Variants in TMTC1 observed in about 807,000 individuals in gnomAD.
The protein encoded by TMTC1 is protein O-mannosyl-transferase TMTC1.
In TMTC1, 73 loss-of-function variants were observed where a neutral mutation model predicts 104.8. The observed-to-expected ratio is 0.70, with a 90% confidence interval of 0.58 to 0.85. The LOEUF is 0.85. TMTC1 is among the 40% of genes least tolerant of loss of function. The pLI is 0.00. For synonymous variants in TMTC1, 434 were observed against 428.7 expected, an observed-to-expected ratio of 1.01 and a Z score of -0.15; for missense variants, 1,035 against 1,096.1, an observed-to-expected ratio of 0.94 and a Z score of 0.79.
rs536872632 is a variant in TMTC1 at position 29,670,496 on chromosome 12, T to C, written c.939-37160A>G. Among the ~76,000 whole-genome samples the C allele has an allele frequency of 1.3e-3, 191 of 152,316 alleles. 2 individuals are homozygous for C. Among genetic ancestry groups the C allele is most frequent in the African/African-American group, 3.3e-3 (139 of 41,578 alleles). On this transcript the variant is annotated intron_variant, in intron 5 of 17. Transcript: ENST00000539277. The stretch of plus-strand genomic sequence containing the variant: ...ACAGGGGTGTCATAAATTCAGTCTG[T>C]GCCCTTAATCACAAAAGCTCTGCTA...
chr12:29,668,110 C>A (rs1940354443), intron 5 of TMTC1, among the ~76,000 whole-genome samples: 1 of 152,184 alleles, frequency 6.6e-6, no homozygotes, highest in East Asian at 1.9e-4. Context: ...TGCATGTTAA[C>A]AACACAATGA....
At chr12:29,693,045 T>C (rs1941310437) in intron 5 of TMTC1, among the ~76,000 whole-genome samples, 1 of 144,698 alleles carries the variant, frequency 6.9e-6, no homozygotes, top group African/African-American at 2.5e-5. Context: ...GGGGTGAGAA[T>C]ATTATAAGAG....
intron 8 of TMTC1, among the ~76,000 whole-genome samples, chr12:29,574,093 T>A (rs1945755903): frequency 6.6e-6 from 1 of 152,030 alleles, no homozygotes; most frequent in South Asian, 2.1e-4. Context: ...AACAGAAGGA[T>A]TCGGGAGACA....
rs184422654 is a variant in TMTC1 at position 29,585,515 on chromosome 12, C to T, written c.1251-1941G>A. ...GTGTTTTAGACATGAAGTCCTTGCC[C>T]GTGCCTATGTCCTGAATGGTATTGC... On this transcript the variant is annotated intron_variant, in intron 7 of 17. Coordinates refer to ENST00000539277, the MANE Select transcript of TMTC1 (RefSeq NM_001193451.2). Among the ~76,000 whole-genome samples the T allele has an allele frequency of 7.4e-3, 1,129 of 152,216 alleles. 19 individuals carry two copies. The highest frequency in any genetic ancestry group is 0.025 in the African/African-American group (1,027 of 41,522).
intron 1 of TMTC1, among the ~76,000 whole-genome samples, chr12:29,780,618 T>C (rs1389991711): frequency 6.6e-6 from 1 of 152,026 alleles, no homozygotes; most frequent in African/African-American, 2.4e-5. Flanking sequence ...TCTACACATA[T>C]GATAAAGCTG....
chr12:29,571,995 A>T, intron 9 of TMTC1, 110 bp downstream of exon 9: 2 of 809,690 alleles, frequency 2.5e-6, no homozygotes, highest in Non-Finnish European at 4.1e-6. Context: ...GGATCAGTTT[A>T]CTGTCAAGAG....
intron 5 of TMTC1, among the ~76,000 whole-genome samples, chr12:29,691,167 A>G (rs1382493331): frequency 1.3e-5 from 2 of 152,184 alleles, no homozygotes; most frequent in African/African-American, 2.4e-5. Flanking sequence ...ACCTCCCCAA[A>G]TTGCTCCTGG....
At chr12:29,544,635 G>GA (rs1592206887) in intron 10 of TMTC1, among the ~76,000 whole-genome samples, 1 of 152,204 alleles carries the variant, frequency 6.6e-6, no homozygotes, top group East Asian at 1.9e-4. Flanking sequence ...TCTGCGCATG[G>GA]GGGCGGGCTG....
At chr12:29,570,927 C>T (rs934524383) in intron 9 of TMTC1, among the ~76,000 whole-genome samples, 1 of 143,198 alleles carries the variant, frequency 7.0e-6, no homozygotes, top group African/African-American at 2.6e-5. Flanking sequence ...AAACCAACTT[C>T]TGCCATATTT....
At chr12:29,649,579 T>G (rs1565739346) in intron 5 of TMTC1, among the ~76,000 whole-genome samples, 1 of 152,222 alleles carries the variant, frequency 6.6e-6, no homozygotes, top group African/African-American at 2.4e-5. Flanking sequence ...AGAATCACAC[T>G]GTGTTGTATT....
At chr12:29,664,200 T>TAAAAAATA (rs1185197175) in intron 5 of TMTC1, among the ~76,000 whole-genome samples, 1 of 135,528 alleles carries the variant, frequency 7.4e-6, no homozygotes, top group Non-Finnish European at 1.6e-5. Context: ...AAAATAAAAA[T>TAAAAAATA]AAAAAATAAA....
intron 5 of TMTC1, among the ~76,000 whole-genome samples, chr12:29,695,789 C>CTT (rs201092670): frequency 3.5e-4 from 34 of 97,008 alleles, no homozygotes; most frequent in East Asian, 6.0e-4. Context: ...AAACTACTTC[C>CTT]TTTTTATATA....
intron 5 of TMTC1, among the ~76,000 whole-genome samples, chr12:29,645,470 T>C (rs60793064): frequency 0.041 from 6,296 of 152,306 alleles, 172 homozygotes; most frequent in Admixed American, 0.066. Context: ...TGAAATGTCA[T>C]TGTCTTTCTG....
chr12:29,761,025 GTA>G (rs1592023206), intron 2 of TMTC1, among the ~76,000 whole-genome samples: 3 of 146,644 alleles, frequency 2.0e-5, no homozygotes, highest in African/African-American at 7.4e-5. Flanking sequence ...ATTATATGTA[GTA>G]TATGTTATAA....
chr12:29,531,829 G>C (rs1388996553), intron 11 of TMTC1, among the ~76,000 whole-genome samples: 1 of 152,028 alleles, frequency 6.6e-6, no homozygotes, highest in Non-Finnish European at 1.5e-5. Flanking sequence ...TCATCCTTCT[G>C]GGTTTCTTTT....
At chr12:29,613,986 T>C (rs1284857390) in intron 6 of TMTC1, 1 of 935,900 alleles carries the variant, frequency 1.1e-6, no homozygotes, top group Non-Finnish European at 1.3e-6. Flanking sequence ...CTAAAATTAA[T>C]AAGGAGAAAG....
chr12:29,509,201 G>A (rs1301518892), intron 17 of TMTC1, among the ~76,000 whole-genome samples: 2 of 152,206 alleles, frequency 1.3e-5, no homozygotes, highest in African/African-American at 4.8e-5. Context: ...TTACTGTCAT[G>A]AGGCAGTACT....
At chr12:29,624,304 C>T (rs906830933) in intron 6 of TMTC1, among the ~76,000 whole-genome samples, 1 of 151,956 alleles carries the variant, frequency 6.6e-6, no homozygotes. Context: ...TTTCTCTAGT[C>T]TTATTTCCTC....
chr12:29,557,595 G>A (rs778136920), intron 9 of TMTC1, among the ~76,000 whole-genome samples: 33 of 152,264 alleles, frequency 2.2e-4, no homozygotes, highest in Non-Finnish European at 3.4e-4. Flanking sequence ...AATTACAGGC[G>A]TCCGCCACCA....
Sources: gnomAD v4.1 joint callset for allele counts (sites outside exome capture counted in the v4.1 genomes callset) on GRCh38, gnomAD v4.1.1 for gene constraint, MANE v1.5 for transcripts, NCBI Gene and HGNC (gene_info 2026-07-23, HGNC 2026-07-21) for gene names.